Variants in COBL observed in about 807,000 individuals in gnomAD.
COBL encodes the protein cordon-bleu WH2 repeat protein.
COBL carries 51 observed loss-of-function variants against 98.8 expected under a neutral mutation model. That is an observed-to-expected ratio of 0.52 (90% CI 0.41 to 0.65). The LOEUF (loss-of-function observed/expected upper bound fraction) is 0.65, where lower values mean the gene tolerates loss of function less well. Ranked by LOEUF, COBL falls within the 30% of genes least tolerant of loss-of-function variation. The probability of loss-of-function intolerance (pLI) is 0.00; values close to 1 mark genes in which losing one functional copy is unlikely to be tolerated. For synonymous variants in COBL, 634 were observed against 651.7 expected, an observed-to-expected ratio of 0.97 and a Z score of 0.41; for missense variants, 1,617 against 1,617.5, an observed-to-expected ratio of 1.00 and a Z score of 0.01.
chr7:51,260,993 C>T (rs1413758632), intron 1 of COBL, among the ~76,000 whole-genome samples: 7 of 152,182 alleles, frequency 4.6e-5, no homozygotes, highest in African/African-American at 7.2e-5. Flanking sequence ...TACCCCTTCT[C>T]CATTGCCCAT....
chr7:51,214,347 G>A (rs542166582), intron 2 of COBL, among the ~76,000 whole-genome samples: 11 of 152,060 alleles, frequency 7.2e-5, no homozygotes, highest in Non-Finnish European at 1.3e-4. Context: ...CCTTTGACAT[G>A]GAGAGAGGTG....
chr7:51,059,573 C>T (rs942063894), intron 7 of COBL, among the ~76,000 whole-genome samples: 1 of 141,136 alleles, frequency 7.1e-6, no homozygotes, highest in African/African-American at 2.7e-5. Flanking sequence ...GGGCCTGAAA[C>T]ACATGGGTTT....
chr7:51,057,928 G>A (rs952584161), intron 7 of COBL, among the ~76,000 whole-genome samples: 9 of 152,064 alleles, frequency 5.9e-5, no homozygotes, highest in East Asian at 1.9e-4. Context: ...CTCTTATTAC[G>A]GATACCCTCC....
intron 6 of COBL, among the ~76,000 whole-genome samples, chr7:51,102,508 C>T (rs1795897077): frequency 6.6e-6 from 1 of 152,192 alleles, no homozygotes; most frequent in South Asian, 2.1e-4. Flanking sequence ...AGTGGCACTT[C>T]ATAGGAACTT....
intron 1 of COBL, among the ~76,000 whole-genome samples, chr7:51,279,679 C>T (rs1233827090): frequency 2.6e-5 from 4 of 152,158 alleles, no homozygotes; most frequent in African/African-American, 7.2e-5. Context: ...CCTGTGGTGT[C>T]GCACATTCTG....
intron 7 of COBL, among the ~76,000 whole-genome samples, chr7:51,054,897 G>T (rs1377777588): frequency 6.6e-6 from 1 of 152,150 alleles, no homozygotes; most frequent in Non-Finnish European, 1.5e-5. Flanking sequence ...GTAAAACATC[G>T]TTTCCTTTCC....
intron 1 of COBL, among the ~76,000 whole-genome samples, chr7:51,302,635 G>A (rs908097467): frequency 2.3e-4 from 34 of 150,868 alleles, no homozygotes; most frequent in African/African-American, 8.0e-4. Context: ...GGTCGCTCAG[G>A]CCTGTAATCC....
intron 6 of COBL, among the ~76,000 whole-genome samples, chr7:51,086,856 A>G (rs1794309863): frequency 6.6e-6 from 1 of 151,910 alleles, no homozygotes; most frequent in Non-Finnish European, 1.5e-5. Context: ...CACCTCCTAT[A>G]CCTCTAAAAT....
rs577704435 is a variant in COBL at position 51,271,925 on chromosome 7, A to G, written c.41+44668T>C. ...GTGCCTGTAATCCCAGCTACTCGGG[A>G]GGCTGAGGCAGGAGAATCGCTTGAA... On this transcript the variant is annotated intron_variant, in intron 1 of 12. Coordinates refer to ENST00000265136, the MANE Select transcript of COBL (RefSeq NM_015198.5). Among the ~76,000 whole-genome samples the G allele has an allele frequency of 2.0e-5, 3 of 152,212 alleles. No homozygotes were observed. In the South Asian group the frequency reaches 6.2e-4, roughly 32 times the overall value.
At chr7:51,278,112 G>A (rs539879383) in intron 1 of COBL, among the ~76,000 whole-genome samples, 12 of 152,264 alleles carry the variant, frequency 7.9e-5, no homozygotes, top group African/African-American at 2.9e-4. Flanking sequence ...CCAGCCTTGA[G>A]TGCCAGCTCT....
chr7:51,283,060 G>T (rs552612446), intron 1 of COBL, among the ~76,000 whole-genome samples: 1 of 152,108 alleles, frequency 6.6e-6, no homozygotes, highest in Admixed American at 6.5e-5. Flanking sequence ...CATTAACTGC[G>T]TATATAAGAG....
At chr7:51,276,638 C>T (rs1799336746) in intron 1 of COBL, among the ~76,000 whole-genome samples, 1 of 152,226 alleles carries the variant, frequency 6.6e-6, no homozygotes, top group African/African-American at 2.4e-5. Flanking sequence ...CAGACACAAC[C>T]CACTGCCCGC....
chr7:51,186,413 C>T (rs1298225169), intron 4 of COBL, among the ~76,000 whole-genome samples: 1 of 152,204 alleles, frequency 6.6e-6, no homozygotes, highest in Non-Finnish European at 1.5e-5. Flanking sequence ...TAGTATCCTA[C>T]TGATAATCGA....
intron 1 of COBL, among the ~76,000 whole-genome samples, chr7:51,315,344 C>G (rs1442118990): frequency 6.6e-6 from 1 of 152,040 alleles, no homozygotes; most frequent in Non-Finnish European, 1.5e-5. Context: ...ACCTGGCTCA[C>G]CTTTTCCTGG....
At chr7:51,242,607 T>C (rs1795894139) in intron 1 of COBL, among the ~76,000 whole-genome samples, 1 of 152,130 alleles carries the variant, frequency 6.6e-6, no homozygotes, top group African/African-American at 2.4e-5. Flanking sequence ...CACCCATAAA[T>C]TGACTCTGAT....
chr7:51,153,206 A>T (rs1472266643), intron 5 of COBL, among the ~76,000 whole-genome samples: 2 of 152,220 alleles, frequency 1.3e-5, no homozygotes, highest in Non-Finnish European at 2.9e-5. Context: ...TTATTAGCAC[A>T]TCACTGGCAT....
chr7:51,043,734 T>C, intron 7 of COBL, 42 bp from the exon 8 acceptor site: 2 of 1,554,770 alleles, frequency 1.3e-6, no homozygotes, highest in Non-Finnish European at 1.8e-6. Flanking sequence ...CAAACCACTC[T>C]GGCGTCCATA....
chr7:51,026,647 C>G lies in COBL; in HGVS notation c.3403G>C (p.Glu1135Gln). Residue 1135 changes from glutamate (E) to glutamine (Q), a missense_variant, in exon 11 of 13, where the codon GAG (glutamate) becomes CAG (glutamine). Around this residue, in one of 3 missense-constraint regions of COBL, gnomAD observed 1,304 missense variants for 1,282.0 expected, o/e 1.02. Coordinates refer to ENST00000265136, the MANE Select transcript of COBL (RefSeq NM_015198.5). Reference protein sequence around the residue: ...RLRKTAEHTGEGRPAKLSYTE... With the variant: ...RLRKTAEHTGQGRPAKLSYTE... ...TAGGACAGTTTCGCTGGCCTGCCCT[C>G]CCCGGTGTGTTCTGCCGTCTAGAAT... 6.2e-7 allele frequency: 1 copy of G among 1,613,996 alleles called. No individual in the cohort carries two copies. The highest frequency in any genetic ancestry group is 8.5e-7 in the Non-Finnish European group (1 of 1,179,984).
chr7:51,156,996 G>A (rs760108575), intron 5 of COBL, among the ~76,000 whole-genome samples: 7 of 152,094 alleles, frequency 4.6e-5, no homozygotes, highest in Non-Finnish European at 1.0e-4. Flanking sequence ...CGAGCCCTCT[G>A]ACTCTACCTC....
Sources: allele counts gnomAD v4.1 joint callset (sites outside exome capture counted in the v4.1 genomes callset), GRCh38; gene constraint gnomAD v4.1.1; regional missense constraint gnomAD v4.1.1; transcripts MANE v1.5; gene names NCBI Gene and HGNC (gene_info 2026-07-23, HGNC 2026-07-21).